Variants in IGFL2 observed in about 807,000 individuals in gnomAD.
The protein encoded by IGFL2 is insulin growth factor-like family member 2.
Under a neutral mutation model 13.9 loss-of-function variants are expected in IGFL2, and 7 were observed. The ratio of observed to expected loss-of-function variants is 0.51; its 90% CI spans 0.29 to 0.95. The LOEUF (loss-of-function observed/expected upper bound fraction) is 0.95, where lower values mean the gene tolerates loss of function less well. IGFL2 is among the 40% of genes least tolerant of loss of function. The probability of loss-of-function intolerance (pLI) is 0.08; values close to 1 mark genes in which losing one functional copy is unlikely to be tolerated. For missense variants in IGFL2, 138 were observed against 147.8 expected (o/e 0.93, Z 0.34); for synonymous variants, 55 against 55.8 (o/e 0.99, Z 0.07).
chr19:46,101,721 C>T, the IGFL2 span, among the ~76,000 whole-genome samples: 1 of 152,210 alleles, frequency 6.6e-6, no homozygotes, highest in African/African-American at 2.4e-5. Context: ...GGCTGGCCCT[C>T]CTCCCCAGAA....
At chr19:46,107,892 A>T in the IGFL2 span, among the ~76,000 whole-genome samples, 1 of 152,150 alleles carries the variant, frequency 6.6e-6, no homozygotes. Context: ...ATATTTGGTG[A>T]AAAAGAGCCT....
At chr19:46,177,523 A>G in the IGFL2 span, among the ~76,000 whole-genome samples, 2 of 152,226 alleles carry the variant, frequency 1.3e-5, no homozygotes, top group African/African-American at 2.4e-5. Flanking sequence ...GAATAAAAAA[A>G]GATGTAATTA....
chr19:46,089,957 C>G, the IGFL2 span, among the ~76,000 whole-genome samples: 1 of 152,088 alleles, frequency 6.6e-6, no homozygotes, highest in Non-Finnish European at 1.5e-5. Context: ...CTCTTGGTCT[C>G]CCTCTTTAAT....
chr19:46,079,406 G>C, the IGFL2 span, among the ~76,000 whole-genome samples: 1 of 152,214 alleles, frequency 6.6e-6, no homozygotes, highest in Non-Finnish European at 1.5e-5. Flanking sequence ...TCAGCGAGTC[G>C]TGCGTACCAT....
chr19:46,193,456 T>C, the IGFL2 span, among the ~76,000 whole-genome samples: 2 of 152,140 alleles, frequency 1.3e-5, no homozygotes, highest in African/African-American at 4.8e-5. Context: ...AATAAAACCT[T>C]TATTTTACTT....
At chr19:46,117,320 A>G in the IGFL2 span, among the ~76,000 whole-genome samples, 1 of 152,118 alleles carries the variant, frequency 6.6e-6, no homozygotes. Flanking sequence ...CCTGGCCTCA[A>G]GTGATCATTT....
chr19:46,080,418 A>G, the IGFL2 span, among the ~76,000 whole-genome samples: 10 of 152,312 alleles, frequency 6.6e-5, no homozygotes, highest in African/African-American at 2.4e-4. Context: ...ATAAATTTAA[A>G]AGGAAAGAGG....
At chr19:46,165,026 G>C (rs945998127), downstream of IGFL2, among the ~76,000 whole-genome samples, 3 of 152,186 alleles carry the variant, frequency 2.0e-5, no homozygotes, top group Admixed American at 1.3e-4. Context: ...CTAGGGTATT[G>C]GTGTCTTTTT....
chr19:46,149,283 ACCTCTCCCCCTCTTCC>A (rs1973336918), intron 1 of IGFL2, among the ~76,000 whole-genome samples: 1 of 35,250 alleles, frequency 2.8e-5, no homozygotes, highest in Non-Finnish European at 5.7e-5. Context: ...CACCCTTTCC[ACCTCTCCCCCTCTTCC>A]CCTCTCCCCC....
chr19:46,156,731 G>GA (rs1973844563), intron 1 of IGFL2, among the ~76,000 whole-genome samples: 1 of 151,772 alleles, frequency 6.6e-6, no homozygotes, highest in African/African-American at 2.4e-5. Context: ...AAGAAGCTAG[G>GA]AAAAAATAAA....
At chr19:46,193,334 C>G in the IGFL2 span, among the ~76,000 whole-genome samples, 1 of 152,206 alleles carries the variant, frequency 6.6e-6, no homozygotes, top group East Asian at 1.9e-4. Context: ...CATATTGACA[C>G]TGTAGATGCT....
upstream of IGFL2, among the ~76,000 whole-genome samples, chr19:46,146,297 C>G (rs777831564): frequency 4.6e-5 from 7 of 152,042 alleles, no homozygotes; most frequent in Non-Finnish European, 1.0e-4. Context: ...CTATTCTGTT[C>G]CTTTGATCTA....
chr19:46,081,054 G>T, the IGFL2 span, among the ~76,000 whole-genome samples: 1 of 152,162 alleles, frequency 6.6e-6, no homozygotes, highest in African/African-American at 2.4e-5. Context: ...TTATCTTGTG[G>T]GTGATAGTGC....
the IGFL2 span, chr19:46,124,159 G>A: frequency 2.5e-6 from 4 of 1,609,996 alleles, 1 homozygote; most frequent in Non-Finnish European, 3.4e-6. Context: ...AGGAGCGTCT[G>A]GGGGCAGACA....
the IGFL2 span, among the ~76,000 whole-genome samples, chr19:46,193,577 G>T: frequency 6.6e-6 from 1 of 151,506 alleles, no homozygotes; most frequent in Non-Finnish European, 1.5e-5. Context: ...CACTTAATAA[G>T]GAAAGAAAAA....
At chr19:46,135,712 C>T in the IGFL2 span, among the ~76,000 whole-genome samples, 2 of 152,158 alleles carry the variant, frequency 1.3e-5, no homozygotes, top group African/African-American at 4.8e-5. Context: ...GGAAGACTTT[C>T]CTGGACAGGC....
chr19:46,176,119 CT>C, the IGFL2 span, among the ~76,000 whole-genome samples: 2 of 144,434 alleles, frequency 1.4e-5, no homozygotes, highest in Non-Finnish European at 3.0e-5. Flanking sequence ...TCCTAAAGTC[CT>C]GGGATTACAG....
chr19:46,211,751 A>C, the IGFL2 span: 1 of 152,086 alleles, frequency 6.6e-6, no homozygotes, highest in African/African-American at 2.4e-5. Flanking sequence ...TGGGCTTCCC[A>C]ACTCCCCAGG....
the IGFL2 span, among the ~76,000 whole-genome samples, chr19:46,079,286 C>T: frequency 7.8e-4 from 119 of 152,362 alleles, 2 homozygotes; most frequent in Non-Finnish European, 2.6e-4. Flanking sequence ...TTGGGTGGGA[C>T]AAGAATCCTC....
Sources: gnomAD v4.1 joint callset for allele counts (sites outside exome capture counted in the v4.1 genomes callset) on GRCh38, gnomAD v4.1.1 for gene constraint, MANE v1.5 for transcripts, NCBI Gene and HGNC (gene_info 2026-07-23, HGNC 2026-07-21) for gene names.